The following CACNA1G variants were observed in gnomAD, a reference collection of about 807,000 sequenced individuals.
The protein encoded by CACNA1G is calcium voltage-gated channel subunit alpha1 G, also known as voltage-dependent T-type calcium channel subunit alpha-1G.
A neutral mutation model predicts 219.4 loss-of-function variants in CACNA1G; 67 were observed. That is an observed-to-expected ratio of 0.31 (90% CI 0.25 to 0.37). The LOEUF is 0.37. Ranked by LOEUF, CACNA1G falls within the 10% of genes least tolerant of loss-of-function variation. CACNA1G has a pLI of 1.00. For missense variants in CACNA1G, 2,380 were observed against 3,231.4 expected (o/e 0.74, Z 6.39); for synonymous variants, 1,296 against 1,345.3 (o/e 0.96, Z 0.80).
chr17:50,616,207 AGGGGCGG>A lies in CACNA1G; in HGVS notation c.4912-63_4912-57del. Reference sequence around the variant, plus strand: ...CTCTCAGACCTGGGCGGTATGATGGAGGGGCGGGGGGACAAGCCCCAGCCCTGGGCCT... The same window carrying A: ...CTCTCAGACCTGGGCGGTATGATGGAGGGGACAAGCCCCAGCCCTGGGCCT... On this transcript the variant is annotated intron_variant, in intron 27 of 37. Coordinates refer to ENST00000359106, the MANE Select transcript of CACNA1G (RefSeq NM_018896.5). 3.3e-6 allele frequency: 3 copies of A among 918,762 alleles called. No individual in the cohort carries two copies. In the South Asian group the frequency reaches 4.2e-5, roughly 13 times the overall value. The allele number at this position is 918,762 out of a possible 1,614,324, so 56.9% of individuals were successfully genotyped here. A position where few individuals can be genotyped will look rare whatever the true frequency, so the allele number is the denominator to read the frequency against.
chr17:50,574,676 T>C (rs753419412), intron 7 of CACNA1G, among the ~76,000 whole-genome samples: 1 of 152,144 alleles, frequency 6.6e-6, no homozygotes. Context: ...GAAAAATCTT[T>C]CCTAACAGCT....
At position 50,575,450 on chromosome 17, in the gene CACNA1G, G is replaced by A. The variant is rs766648722; in HGVS notation, c.1141-93G>A. 3.4e-5 allele frequency: 43 copies of A among 1,262,998 alleles called. 1 individual carries two copies. Among genetic ancestry groups the A allele is most frequent in the South Asian group, 2.8e-4 (18 of 64,796 alleles). The allele number at this position is 1,262,998 out of a possible 1,614,324, so 78.2% of individuals were successfully genotyped here. A position where few individuals can be genotyped will look rare whatever the true frequency, so the allele number is the denominator to read the frequency against. On this transcript the variant is annotated intron_variant, in intron 7 of 37. Transcript: ENST00000359106. ...TGCTTGGAAAATAACTGAGCGTGGC[G>A]CTTGGCTCATAGGAATGCCTCCGTA...
Position 50,591,932 on chromosome 17 carries a change from C to G in CACNA1G, c.2755-5C>G, listed in dbSNP as rs926026679. ...TAGGCCCTGATTCCTGTCTTCTGCCCGCAGATCCTGACCCAGGAGGACTGG... is the reference window on the plus strand; with the variant it reads ...TAGGCCCTGATTCCTGTCTTCTGCCGGCAGATCCTGACCCAGGAGGACTGG... On this transcript the variant is annotated splice_region_variant and splice_polypyrimidine_tract_variant and intron_variant, in intron 12 of 37. Coordinates refer to ENST00000359106, the MANE Select transcript of CACNA1G (RefSeq NM_018896.5). 1.2e-6 allele frequency: 2 copies of G among 1,613,936 alleles called. No individual in the cohort carries two copies. Among genetic ancestry groups the G allele is most frequent in the Non-Finnish European group, 1.7e-6 (2 of 1,179,844 alleles).
In CACNA1G at chr17:50,627,436, T is replaced by C. The variant is rs1438616244; in HGVS notation, c.*685T>C. ...ATACATACATATCTATCTATCTATC[T>C]ATATATATATAAAATAAAGTAATTT... On this transcript the variant is annotated 3_prime_UTR_variant, in exon 38 of 38. Coordinates refer to ENST00000359106, the MANE Select transcript of CACNA1G (RefSeq NM_018896.5). 2.2e-5 allele frequency: 5 copies of C among 228,030 alleles called. No homozygotes were observed. The highest frequency in any genetic ancestry group is 4.3e-5 in the Non-Finnish European group (5 of 116,860). 14.1% of individuals were successfully genotyped at this position (228,030 alleles called of 1,614,324 possible). A position where few individuals can be genotyped will look rare whatever the true frequency, so the allele number is the denominator to read the frequency against.
Position 50,561,624 on chromosome 17 carries a change from G to A in CACNA1G, c.165G>A (p.Ala55=), listed in dbSNP as rs769010500. ...DSEAEGLPYP[A]LAPVVFFYLS... is the part of the protein sequence containing the mutation. ...AGGCGGAGGGGCTGCCGTACCCGGC[G>A]CTGGCCCCGGTGGTTTTCTTCTACT... The change falls in exon 1 of 38, where the codon GCG becomes GCA. Residue 55 remains alanine, a synonymous_variant. Coordinates refer to ENST00000359106, the MANE Select transcript of CACNA1G (RefSeq NM_018896.5). 3.8e-5 allele frequency: 60 copies of A among 1,599,508 alleles called. No individual in the cohort carries two copies. Among genetic ancestry groups the A allele is most frequent in the Non-Finnish European group, 4.7e-5 (55 of 1,174,192 alleles).
At chr17:50,581,976 C>T (rs1436184615) in intron 9 of CACNA1G, among the ~76,000 whole-genome samples, 2 of 150,496 alleles carry the variant, frequency 1.3e-5, no homozygotes, top group African/African-American at 5.0e-5. Flanking sequence ...AATGCTCCCA[C>T]CATAGCTGGT....
chr17:50,621,695 G>C lies in CACNA1G; in HGVS notation c.5961G>C (p.Thr1987=), dbSNP rs199940739. The change falls in exon 35 of 38, where the codon ACG becomes ACC. Residue 1987 remains threonine, a synonymous_variant. Coordinates refer to ENST00000359106, the MANE Select transcript of CACNA1G (RefSeq NM_018896.5). This position sits in a 1 kb window ranked among gnomAD's most constrained non-coding sequence, Gnocchi z 4.6. ...PLAEMEALSL[T]SEIVSEPSCS... ...CTGAGATGGAGGCTCTGTCTCTGAC[G>C]TCAGAGATTGTGTCTGAACCGTCCT... The C allele has an allele frequency of 1.0e-4, 162 of 1,613,856 alleles. 2 individuals are homozygous for C. In the Middle Eastern group the frequency reaches 3.0e-3, roughly 29 times the overall value.
At position 50,617,814 on chromosome 17, in the gene CACNA1G, C is replaced by G. The variant is rs200939206; in HGVS notation, c.5156-45C>G. 8.1e-6 allele frequency: 13 copies of G among 1,601,288 alleles called. No homozygotes were observed. The East Asian group carries it at 1.1e-4, about 14-fold the overall frequency. ...GTCCTGACTCTGCCAGCTGTCTGGC[C>G]GGGGACCCAAAGAGGCCAGCTCATG... is the stretch of plus-strand genomic sequence containing the variant. On this transcript the variant is annotated intron_variant, in intron 29 of 37. Transcript: ENST00000359106. The surrounding 1 kb of genome is among the most constrained non-coding windows in gnomAD (Gnocchi z 5.8).
At chr17:50,561,766 T>A in intron 1 of CACNA1G, 65 bp downstream of exon 1, 1 of 1,116,794 alleles carries the variant, frequency 9.0e-7, no homozygotes. Flanking sequence ...CCGCCGGGGG[T>A]CGGGGGGGAA....
intron 26 of CACNA1G, among the ~76,000 whole-genome samples, chr17:50,610,906 T>C (rs1473631804): frequency 6.6e-6 from 1 of 152,180 alleles, no homozygotes; most frequent in Non-Finnish European, 1.5e-5. Context: ...AATTAGTCTG[T>C]GGGGCCTTAA....
Position 50,572,096 on chromosome 17 carries a change from C to A in CACNA1G, c.746+59C>A, listed in dbSNP as rs367791834. 246 of 1,546,892 alleles carry A rather than the reference C, an allele frequency of 1.6e-4. 1 individual carries two copies. In the African/African-American group the frequency reaches 2.7e-3, roughly 17 times the overall value. On this transcript the variant is annotated intron_variant, in intron 5 of 37. Coordinates refer to ENST00000359106, the MANE Select transcript of CACNA1G (RefSeq NM_018896.5). Reference sequence around the variant, plus strand: ...GAGTGGTTATGGGGCTGGGCACCCCCCCAAGTTCCTCACTTCCGGTTGCTA... The same window carrying A: ...GAGTGGTTATGGGGCTGGGCACCCCACCAAGTTCCTCACTTCCGGTTGCTA...
intron 26 of CACNA1G, among the ~76,000 whole-genome samples, 164 bp downstream of exon 26, chr17:50,610,099 C>T (rs942855451): frequency 1.3e-5 from 2 of 152,214 alleles, no homozygotes; most frequent in African/African-American, 4.8e-5. Context: ...CGCAGGCCTG[C>T]GCCAAACTGG....
At position 50,603,603 on chromosome 17, in the gene CACNA1G, C is replaced by T. The variant is rs192399002; in HGVS notation, c.4169+404C>T. On this transcript the variant is annotated intron_variant, in intron 21 of 37. Coordinates refer to ENST00000359106, the MANE Select transcript of CACNA1G (RefSeq NM_018896.5). This position sits in a 1 kb window ranked among gnomAD's most constrained non-coding sequence, Gnocchi z 6.4. The stretch of plus-strand genomic sequence containing the variant: ...TGACAGGCTCCTCTTGCTGGCTTTC[C>T]CCATCTTCAGGCGCCTGCCAGTGAC... Among the ~76,000 whole-genome samples, 33 of 152,180 alleles carry T rather than the reference C, an allele frequency of 2.2e-4. No individual in the cohort carries two copies. In the East Asian group the frequency reaches 2.9e-3, roughly 13 times the overall value.
intron 1 of CACNA1G, among the ~76,000 whole-genome samples, chr17:50,562,993 G>A (rs2036346495): frequency 6.6e-6 from 1 of 152,220 alleles, no homozygotes; most frequent in Non-Finnish European, 1.5e-5. Flanking sequence ...GCTTCTCTGG[G>A]CTCCTTCCTT....
Position 50,613,495 on chromosome 17 carries a change from C to T in CACNA1G, c.4760-1866C>T, listed in dbSNP as rs1327601675. On this transcript the variant is annotated intron_variant, in intron 26 of 37. Transcript: ENST00000359106. ...CACCCCACAGACTCCTAGTGCAAGG[C>T]CAGAGTTGGTGGGAGCAGCTGCTCC... 2.6e-5 allele frequency among the ~76,000 whole-genome samples: 4 copies of T among 152,050 alleles called. No homozygotes were observed. The East Asian group carries it at 7.7e-4, about 29-fold the overall frequency.
At position 50,618,580 on chromosome 17, in the gene CACNA1G, C is replaced by A; in HGVS notation, c.5428-75C>A. 8.3e-7 allele frequency: 1 copy of A among 1,207,904 alleles called. No individual in the cohort carries two copies. The highest frequency in any genetic ancestry group is 1.2e-6 in the Non-Finnish European group (1 of 838,676). The allele number at this position is 1,207,904 out of a possible 1,614,324, so 74.8% of individuals were successfully genotyped here. A position where few individuals can be genotyped will look rare whatever the true frequency, so the allele number is the denominator to read the frequency against. On this transcript the variant is annotated intron_variant, in intron 32 of 37. Transcript: ENST00000359106. This position sits in a 1 kb window ranked among gnomAD's most constrained non-coding sequence, Gnocchi z 5.3. ...TCCCATCCTCCAATGCTCTGTGACACCAGTGACCTGATTTTCCACAACAGC... is the reference window on the plus strand; with the variant it reads ...TCCCATCCTCCAATGCTCTGTGACAACAGTGACCTGATTTTCCACAACAGC...
intron 1 of CACNA1G, among the ~76,000 whole-genome samples, chr17:50,564,183 A>T (rs1319145927): frequency 7.2e-6 from 1 of 138,258 alleles, no homozygotes; most frequent in African/African-American, 3.0e-5. Flanking sequence ...GGACAGCAAA[A>T]GGCTCAGAAG....
rs755276697 is a variant in CACNA1G at position 50,568,969 on chromosome 17, C to T, written c.342C>T (p.Cys114=). 1 of 1,574,408 alleles carries T rather than the reference C, an allele frequency of 6.4e-7. No homozygotes were observed. The highest frequency in any genetic ancestry group is 8.6e-7 in the Non-Finnish European group (1 of 1,159,114). ...ACATCGCCTGTGACTCCCAGCGCTGCCGGATCCTGCAGGTGAGTGTGTGTG... is the reference window on the plus strand; with the variant it reads ...ACATCGCCTGTGACTCCCAGCGCTGTCGGATCCTGCAGGTGAGTGTGTGTG... ...CEDIACDSQR[C]RILQAFDDFI... The change falls in exon 2 of 38, where the codon TGC becomes TGT. Residue 114 remains cysteine (C), a synonymous_variant. Transcript: ENST00000359106.
In CACNA1G at chr17:50,618,618, C is replaced by A; in HGVS notation, c.5428-37C>A. On this transcript the variant is annotated intron_variant, in intron 32 of 37. Coordinates refer to ENST00000359106, the MANE Select transcript of CACNA1G (RefSeq NM_018896.5). The surrounding 1 kb of genome is among the most constrained non-coding windows in gnomAD (Gnocchi z 5.3). The stretch of plus-strand genomic sequence containing the variant: ...TTTCCACAACAGCTCCAACAACTGT[C>A]CTCCCCAGCCTCACCCCTCTATTCC... 6.7e-7 allele frequency: 1 copy of A among 1,488,168 alleles called. No individual in the cohort carries two copies. Among genetic ancestry groups the A allele is most frequent in the South Asian group, 1.2e-5 (1 of 85,794 alleles). The allele number at this position is 1,488,168 out of a possible 1,614,324, so 92.2% of individuals were successfully genotyped here.
Sources: allele counts gnomAD v4.1 joint callset (sites outside exome capture counted in the v4.1 genomes callset), GRCh38; gene constraint gnomAD v4.1.1; non-coding constraint Gnocchi (gnomAD v3.1); transcripts MANE v1.5; gene names NCBI Gene and HGNC (gene_info 2026-07-23, HGNC 2026-07-21).